Variants in FGF14 observed in about 807,000 individuals in gnomAD.
FGF14 encodes fibroblast growth factor 14.
FGF14 carries 5 observed loss-of-function variants against 25.5 expected under a neutral mutation model. The observed-to-expected ratio is 0.20, with a 90% CI of 0.10 to 0.41. The LOEUF (loss-of-function observed/expected upper bound fraction) is 0.41, where lower values mean the gene tolerates loss of function less well. Among genes scored for constraint, FGF14 ranks in the 10% least tolerant of loss-of-function variants. FGF14 has a pLI of 1.00. For missense variants in FGF14, 222 were observed against 320.1 expected, an observed-to-expected ratio of 0.69 and a Z score of 2.34; for synonymous variants, 138 against 118.3, an observed-to-expected ratio of 1.17 and a Z score of -1.08.
intron 1 of FGF14, among the ~76,000 whole-genome samples, chr13:102,391,654 C>G (rs1421218440): frequency 6.6e-6 from 1 of 151,912 alleles, no homozygotes; most frequent in East Asian, 1.9e-4. Flanking sequence ...TTTAAAGGTA[C>G]AAGAAAAAAT....
At chr13:101,947,423 G>C in intron 1 of FGF14, among the ~76,000 whole-genome samples, 1 of 148,396 alleles carries the variant, frequency 6.7e-6, no homozygotes, top group East Asian at 1.9e-4. Flanking sequence ...CAAAGACATG[G>C]AATAAAATGT....
At chr13:102,109,434 C>T (rs1247426655) in intron 1 of FGF14, among the ~76,000 whole-genome samples, 1 of 152,112 alleles carries the variant, frequency 6.6e-6, no homozygotes, top group African/African-American at 2.4e-5. Flanking sequence ...ACACACAAAA[C>T]ACTATGTGAG....
At chr13:101,897,010 TTCTA>T (rs1488214159) in intron 1 of FGF14, among the ~76,000 whole-genome samples, 1 of 152,186 alleles carries the variant, frequency 6.6e-6, no homozygotes, top group East Asian at 1.9e-4. Context: ...AACAAATAAC[TTCTA>T]TCTTTTTCTC....
At chr13:101,966,392 A>G (rs1374619704) in intron 1 of FGF14, among the ~76,000 whole-genome samples, 1 of 152,256 alleles carries the variant, frequency 6.6e-6, no homozygotes, top group Non-Finnish European at 1.5e-5. Flanking sequence ...AGGCAAATAC[A>G]GACTCTGGAG....
At chr13:101,755,341 C>T (rs537410867) in intron 3 of FGF14, among the ~76,000 whole-genome samples, 3 of 151,952 alleles carry the variant, frequency 2.0e-5, no homozygotes, top group Non-Finnish European at 4.4e-5. Context: ...CTTTACGTTA[C>T]ACATGAAGAA....
At chr13:101,724,108 C>A (rs1488695663) in intron 4 of FGF14, among the ~76,000 whole-genome samples, 1 of 151,946 alleles carries the variant, frequency 6.6e-6, no homozygotes, top group Non-Finnish European at 1.5e-5. Flanking sequence ...TAATGCGTAT[C>A]CTGAAAGCAC....
At chr13:101,931,519 T>A (rs2034748937) in intron 1 of FGF14, among the ~76,000 whole-genome samples, 2 of 152,188 alleles carry the variant, frequency 1.3e-5, no homozygotes, top group African/African-American at 4.8e-5. Context: ...TCTCTCCTCC[T>A]CCACCATGTC....
chr13:101,822,009 A>G (rs895023353), intron 3 of FGF14, among the ~76,000 whole-genome samples: 5 of 152,210 alleles, frequency 3.3e-5, no homozygotes, highest in East Asian at 1.9e-4. Context: ...GAATTTTAAG[A>G]AAGTTCAGTT....
At chr13:102,130,227 G>A (rs1482809095) in intron 1 of FGF14, among the ~76,000 whole-genome samples, 3 of 152,168 alleles carry the variant, frequency 2.0e-5, no homozygotes, top group African/African-American at 7.2e-5. Flanking sequence ...AAAAGGACTG[G>A]CAAAGTGGAG....
At chr13:102,072,983 C>T (rs1007903315) in intron 1 of FGF14, among the ~76,000 whole-genome samples, 9 of 152,136 alleles carry the variant, frequency 5.9e-5, no homozygotes, top group Non-Finnish European at 8.8e-5. Flanking sequence ...TACTTCTTAC[C>T]GTATCTGTTG....
At chr13:102,275,599 A>T (rs2053497373) in intron 1 of FGF14, among the ~76,000 whole-genome samples, 1 of 152,168 alleles carries the variant, frequency 6.6e-6, no homozygotes, top group Admixed American at 6.5e-5. Flanking sequence ...GCTGAAATGG[A>T]TCCTTGCAAA....
intron 1 of FGF14, among the ~76,000 whole-genome samples, chr13:101,976,079 T>C (rs943333185): frequency 6.6e-6 from 1 of 152,032 alleles, no homozygotes; most frequent in African/African-American, 2.4e-5. Context: ...AAATTTGCTC[T>C]GCTTTAGAAA....
chr13:102,082,611 G>A (rs974445818), intron 1 of FGF14, among the ~76,000 whole-genome samples: 2 of 152,216 alleles, frequency 1.3e-5, no homozygotes, highest in Non-Finnish European at 2.9e-5. Flanking sequence ...ACATTCCCAT[G>A]CCTTGACAAA....
chr13:101,933,204 C>A (rs1042928185), intron 1 of FGF14, among the ~76,000 whole-genome samples: 3 of 152,110 alleles, frequency 2.0e-5, no homozygotes, highest in African/African-American at 7.2e-5. Flanking sequence ...TTAAAACTAA[C>A]CAAAGTTATC....
At chr13:101,949,040 G>A (rs2139375157) in intron 1 of FGF14, among the ~76,000 whole-genome samples, 1 of 152,254 alleles carries the variant, frequency 6.6e-6, no homozygotes, top group South Asian at 2.1e-4. Context: ...TGTGTTGGGG[G>A]CTGGGGAGAT....
chr13:101,877,687 T>C (rs559302678), intron 1 of FGF14, among the ~76,000 whole-genome samples: 6 of 152,336 alleles, frequency 3.9e-5, no homozygotes, highest in Admixed American at 2.6e-4. Flanking sequence ...ACTGCCACTG[T>C]GTCTAAACCC....
intron 1 of FGF14, among the ~76,000 whole-genome samples, chr13:102,348,902 C>A (rs2057191278): frequency 6.6e-6 from 1 of 152,166 alleles, no homozygotes. Flanking sequence ...GTACTTCTTA[C>A]TCAGCAATCT....
At chr13:101,990,371 G>A (rs764608203) in intron 1 of FGF14, among the ~76,000 whole-genome samples, 4 of 152,186 alleles carry the variant, frequency 2.6e-5, no homozygotes, top group South Asian at 2.1e-4. Flanking sequence ...AGTGGCATAC[G>A]CCTATATAGT....
intron 4 of FGF14, 69 bp downstream of exon 4, chr13:101,726,543 A>G (rs1691119846): frequency 2.8e-6 from 4 of 1,425,502 alleles, no homozygotes; most frequent in Non-Finnish European, 3.9e-6. Context: ...GAGCCATGGT[A>G]GACCTATCAA....
Sources: allele counts gnomAD v4.1 joint callset (sites outside exome capture counted in the v4.1 genomes callset), GRCh38; gene constraint gnomAD v4.1.1; transcripts MANE v1.5; gene names NCBI Gene and HGNC (gene_info 2026-07-23, HGNC 2026-07-21).